FER: variants seen among roughly 807,000 people sequenced by gnomAD.
The protein encoded by FER is tyrosine-protein kinase Fer.
Under a neutral mutation model 111.0 loss-of-function variants are expected in FER, and 63 were observed. The observed-to-expected ratio is 0.57, with a 90% confidence interval of 0.46 to 0.70. The LOEUF is 0.70. Among genes scored for constraint, FER ranks in the 30% least tolerant of loss-of-function variants. FER has a pLI of 0.00. For synonymous variants in FER, 327 were observed against 313.9 expected, an observed-to-expected ratio of 1.04 and a Z score of -0.44; for missense variants, 914 against 954.0, an observed-to-expected ratio of 0.96 and a Z score of 0.55.
chr5:108,993,920 GTCT>G (rs1183958991), intron 13 of FER, among the ~76,000 whole-genome samples: 1 of 152,060 alleles, frequency 6.6e-6, no homozygotes, highest in Non-Finnish European at 1.5e-5. Flanking sequence ...CCCCTTAAAT[GTCT>G]TCTTTTCAGA....
intron 13 of FER, among the ~76,000 whole-genome samples, chr5:108,986,144 G>GTT (rs568488066): frequency 2.2e-3 from 332 of 152,160 alleles, no homozygotes; most frequent in African/African-American, 7.5e-3. Context: ...TAGGAGTAAG[G>GTT]TGGTATCACA....
chr5:109,070,933 A>G (rs994983260), intron 16 of FER, among the ~76,000 whole-genome samples: 2 of 152,018 alleles, frequency 1.3e-5, no homozygotes, highest in African/African-American at 4.8e-5. Flanking sequence ...TGATTCATCT[A>G]TCTTTCAACC....
chr5:109,165,593 G>GGTGTGTGT lies in FER; in HGVS notation c.2049-15115_2049-15108dup, dbSNP rs66749153. 5.7e-3 allele frequency among the ~76,000 whole-genome samples: 815 copies of GGTGTGTGT among 142,334 alleles called. 5 individuals carry two copies. Among genetic ancestry groups the GGTGTGTGT allele is most frequent in the Admixed American group, 0.013 (181 of 14,352 alleles). 93.4% of individuals were successfully genotyped at this position (142,334 alleles called of 152,430 possible). ...ACCACACAGGTGGGAGGAGGGAACT[G>GGTGTGTGT]GTGTGTGTGTGTGTGTGTGTGTGTG... On this transcript the variant is annotated intron_variant, in intron 17 of 19. Transcript: ENST00000281092.
At chr5:109,076,531 G>A (rs1776366307) in intron 16 of FER, among the ~76,000 whole-genome samples, 1 of 152,150 alleles carries the variant, frequency 6.6e-6, no homozygotes, top group African/African-American at 2.4e-5. Flanking sequence ...CCTGGCTCAA[G>A]TGATCCTCCA....
At chr5:109,072,131 C>T (rs1035962467) in intron 16 of FER, among the ~76,000 whole-genome samples, 3 of 151,476 alleles carry the variant, frequency 2.0e-5, no homozygotes, top group Non-Finnish European at 4.4e-5. Flanking sequence ...ATATAACTAA[C>T]TAGATCTTTT....
chr5:109,060,461 G>A (rs974471982), intron 16 of FER, among the ~76,000 whole-genome samples: 15 of 151,906 alleles, frequency 9.9e-5, no homozygotes, highest in Admixed American at 3.9e-4. Flanking sequence ...TGAGGCGGGC[G>A]GATCATGAGG....
At chr5:108,907,091 G>T (rs1750889484) in intron 10 of FER, among the ~76,000 whole-genome samples, 1 of 152,078 alleles carries the variant, frequency 6.6e-6, no homozygotes, top group Admixed American at 6.6e-5. Context: ...CACTTCATAG[G>T]ATTGTTGGAT....
At chr5:108,987,595 G>T (rs1343953755) in intron 13 of FER, among the ~76,000 whole-genome samples, 1 of 152,000 alleles carries the variant, frequency 6.6e-6, no homozygotes, top group Non-Finnish European at 1.5e-5. Context: ...TCTCAGCTTG[G>T]TTGCTGTTGG....
intron 1 of FER, among the ~76,000 whole-genome samples, chr5:108,763,914 TATC>T (rs1368817084): frequency 6.6e-6 from 1 of 152,206 alleles, no homozygotes; most frequent in Non-Finnish European, 1.5e-5. Flanking sequence ...AGTAGGTACT[TATC>T]ATCATCTTTC....
chr5:109,085,808 G>A (rs1039806195), intron 16 of FER, among the ~76,000 whole-genome samples: 3 of 151,642 alleles, frequency 2.0e-5, no homozygotes, highest in African/African-American at 7.3e-5. Flanking sequence ...CTATTGATAC[G>A]ATTACATGAT....
intron 5 of FER, among the ~76,000 whole-genome samples, chr5:108,844,624 T>C (rs573059170): frequency 5.4e-4 from 82 of 152,220 alleles, no homozygotes; most frequent in Non-Finnish European, 1.1e-3. Context: ...AAATTCCTAG[T>C]GCCCTTTTGT....
At chr5:108,950,566 C>G (rs998352328) in intron 11 of FER, among the ~76,000 whole-genome samples, 1 of 152,096 alleles carries the variant, frequency 6.6e-6, no homozygotes, top group African/African-American at 2.4e-5. Context: ...AATTTACATC[C>G]TGTTTGTCTA....
intron 3 of FER, among the ~76,000 whole-genome samples, chr5:108,819,179 C>T (rs1343242375): frequency 7.9e-6 from 1 of 127,234 alleles, no homozygotes; most frequent in Non-Finnish European, 1.6e-5. Context: ...CCATGCTCAG[C>T]TTTTTTTTTT....
At chr5:109,179,590 A>G (rs1424775842) in intron 17 of FER, among the ~76,000 whole-genome samples, 1 of 152,174 alleles carries the variant, frequency 6.6e-6, no homozygotes, top group African/African-American at 2.4e-5. Context: ...TGTAAGTTCC[A>G]CATCTGTGGA....
intron 10 of FER, among the ~76,000 whole-genome samples, chr5:108,910,991 G>T: frequency 6.6e-6 from 1 of 151,912 alleles, no homozygotes; most frequent in East Asian, 1.9e-4. Flanking sequence ...CCAGTAGTGG[G>T]ATTACTGGGT....
At chr5:109,111,159 T>C (rs1444146276) in intron 17 of FER, among the ~76,000 whole-genome samples, 1 of 152,146 alleles carries the variant, frequency 6.6e-6, no homozygotes, top group African/African-American at 2.4e-5. Flanking sequence ...ATAAGTAAAA[T>C]TAAATATGTG....
intron 13 of FER, 151 bp downstream of exon 13, chr5:108,959,498 A>G (rs995298830): frequency 4.6e-6 from 3 of 646,002 alleles, no homozygotes; most frequent in African/African-American, 1.9e-5. Flanking sequence ...TACTAATGCA[A>G]TTGAAACATG....
intron 16 of FER, among the ~76,000 whole-genome samples, chr5:109,059,058 A>G (rs1430101207): frequency 6.6e-6 from 1 of 151,900 alleles, no homozygotes; most frequent in East Asian, 1.9e-4. Context: ...GCTATTTTCA[A>G]GTTAAACCTT....
intron 16 of FER, among the ~76,000 whole-genome samples, chr5:109,061,714 G>A (rs1774439303): frequency 6.6e-6 from 1 of 152,144 alleles, no homozygotes; most frequent in African/African-American, 2.4e-5. Flanking sequence ...ATTTCTGTTT[G>A]AGTTTCTTTT....
Sources: gnomAD v4.1 joint callset for allele counts (sites outside exome capture counted in the v4.1 genomes callset) on GRCh38, gnomAD v4.1.1 for gene constraint, MANE v1.5 for transcripts, NCBI Gene and HGNC (gene_info 2026-07-23, HGNC 2026-07-21) for gene names.